The following LRRC27 variants were observed in gnomAD, a reference collection of about 807,000 sequenced individuals.
The protein encoded by LRRC27 is leucine-rich repeat-containing protein 27.
A neutral mutation model predicts 55.0 loss-of-function variants in LRRC27; 57 were observed. That is an observed-to-expected ratio of 1.04 (90% CI 0.84 to 1.29). The LOEUF is 1.29. Ranked by LOEUF, LRRC27 falls within the 50% of genes most tolerant of loss-of-function variation. The probability of loss-of-function intolerance (pLI) is 0.00; values close to 1 mark genes in which losing one functional copy is unlikely to be tolerated. For missense variants in LRRC27, 721 were observed against 651.5 expected (o/e 1.11, Z -1.16); for synonymous variants, 278 against 251.9 (o/e 1.10, Z -0.98).
intron 3 of LRRC27, among the ~76,000 whole-genome samples, chr10:132,340,540 T>A (rs1398289198): frequency 6.6e-6 from 1 of 152,192 alleles, no homozygotes; most frequent in Non-Finnish European, 1.5e-5. Context: ...ATGCTGTTCT[T>A]GTTGGCTGGT....
In LRRC27 at chr10:132,380,100, C is replaced by T. The variant is rs1194006241; in HGVS notation, c.*4858C>T. Among the ~76,000 whole-genome samples, 1 of 152,050 alleles carries T rather than the reference C, an allele frequency of 6.6e-6. No individual in the cohort carries two copies. Among genetic ancestry groups the T allele is most frequent in the Non-Finnish European group, 1.5e-5 (1 of 68,022 alleles). The stretch of plus-strand genomic sequence containing the variant: ...TCACCTAAGGTCAGGAGTTCAAGAC[C>T]AGCCTGGCCAACATGGAGAAACCCC... On this transcript the variant is annotated 3_prime_UTR_variant, in exon 11 of 11. Transcript: ENST00000368614.
At chr10:132,364,730 A>G (rs61864520) in intron 9 of LRRC27, among the ~76,000 whole-genome samples, 19,629 of 39,898 alleles carry the variant, frequency 0.49, 3,763 homozygotes, top group African/African-American at 0.58. Context: ...CCGCGTCCAC[A>G]CTTACATCTA....
intron 2 of LRRC27, among the ~76,000 whole-genome samples, chr10:132,334,868 T>C (rs753418121): frequency 2.6e-5 from 4 of 152,220 alleles, no homozygotes; most frequent in African/African-American, 4.8e-5. Flanking sequence ...TGAAGAAACT[T>C]GATAACTGTT....
chr10:132,353,415 G>T (rs1273888060), intron 7 of LRRC27: 1 of 1,025,260 alleles, frequency 9.8e-7, no homozygotes, highest in East Asian at 8.8e-5. Flanking sequence ...TGTGTGTGCT[G>T]TTTTCTCTCG....
chr10:132,374,686 A>G lies in LRRC27; in HGVS notation c.1417-380A>G. ...TGGCTGTGGTGATGCTTGCCAAGAC[A>G]CTGCCCGGGGTGTGGCATCAGCCTT... On this transcript the variant is annotated intron_variant, in intron 10 of 10. Coordinates refer to ENST00000368614, the MANE Select transcript of LRRC27 (RefSeq NM_030626.3). This position sits in a 1 kb window ranked among gnomAD's most constrained non-coding sequence, Gnocchi z 4.4. 6.6e-6 allele frequency among the ~76,000 whole-genome samples: 1 copy of G among 152,274 alleles called. No homozygotes were observed.
chr10:132,349,157 G>A (rs534932534), intron 6 of LRRC27: 1 of 849,640 alleles, frequency 1.2e-6, no homozygotes, highest in South Asian at 1.5e-5. Flanking sequence ...AACAATTGGT[G>A]AATCTAGATC....
intron 7 of LRRC27, among the ~76,000 whole-genome samples, chr10:132,354,047 C>T (rs974044321): frequency 6.6e-6 from 1 of 152,214 alleles, no homozygotes; most frequent in Non-Finnish European, 1.5e-5. Context: ...AGTCCCACTC[C>T]CTCTTGGCCA....
intron 6 of LRRC27, chr10:132,349,095 GGTGTGTGTGCCT>G: frequency 7.2e-7 from 1 of 1,386,902 alleles, no homozygotes. Flanking sequence ...GCCTGCATGT[GGTGTGTGTGCCT>G]GTGTGTGTGT....
chr10:132,378,653 T>A lies in LRRC27; in HGVS notation c.*3411T>A, dbSNP rs2069370253. 1 of 152,284 alleles carries A rather than the reference T, an allele frequency of 6.6e-6. No individual in the cohort carries two copies. The highest frequency in any genetic ancestry group is 2.1e-4 in the South Asian group (1 of 4,838). The allele number at this position is 152,284 out of a possible 1,614,324, so 9.4% of individuals were successfully genotyped here. A position where few individuals can be genotyped will look rare whatever the true frequency, so the allele number is the denominator to read the frequency against. ...TGGTTTTAGATTTACGAATCCTGTCTTCTGTTGTGTCCCACAGAAAAACCC... is the reference window on the plus strand; with the variant it reads ...TGGTTTTAGATTTACGAATCCTGTCATCTGTTGTGTCCCACAGAAAAACCC... On this transcript the variant is annotated 3_prime_UTR_variant, in exon 11 of 11. Transcript: ENST00000368614.
At chr10:132,350,210 G>A (rs2067938832) in intron 6 of LRRC27, among the ~76,000 whole-genome samples, 1 of 152,288 alleles carries the variant, frequency 6.6e-6, no homozygotes, top group East Asian at 1.9e-4. Context: ...GGTAAATAAT[G>A]GTCTGGTCCT....
intron 3 of LRRC27, 150 bp from the exon 4 acceptor site, chr10:132,342,063 C>A (rs955198610): frequency 3.4e-6 from 2 of 590,584 alleles, no homozygotes; most frequent in African/African-American, 1.9e-5. Context: ...TGACAGCAGA[C>A]CATTTGTGTG....
chr10:132,337,010 T>C (rs1479163040), intron 2 of LRRC27: 1 of 1,027,512 alleles, frequency 9.7e-7, no homozygotes, highest in African/African-American at 1.7e-5. Context: ...ACCGAGTTGA[T>C]GTGTCAATCT....
rs182793646 is a variant in LRRC27 at position 132,373,319 on chromosome 10, G to A, written c.1417-1747G>A. On this transcript the variant is annotated intron_variant, in intron 10 of 10. Transcript: ENST00000368614. ...TCCGGCAGGTTCCAGCAGGAGAGACGAGAGCAGACGGAGGGAGAAGGTGCA... is the reference window on the plus strand; with the variant it reads ...TCCGGCAGGTTCCAGCAGGAGAGACAAGAGCAGACGGAGGGAGAAGGTGCA... Among the ~76,000 whole-genome samples the A allele has an allele frequency of 1.1e-4, 16 of 152,294 alleles. No individual in the cohort carries two copies. The East Asian group carries it at 2.5e-3, about 24-fold the overall frequency.
At chr10:132,333,862 G>A (rs927508305) in intron 2 of LRRC27, 128 bp downstream of exon 2, 3 of 733,408 alleles carry the variant, frequency 4.1e-6, no homozygotes, top group South Asian at 2.0e-5. Context: ...ATTAAATAGA[G>A]GAAAGGTTAA....
rs1420618280 is a variant in LRRC27, at chr10:132,348,888, C to T, written c.926+532C>T. Reference sequence around the variant, plus strand: ...AAAAGGAAGGCAGTCATTGTGTGGCCCACTTCCAAAGCTTGCCTTTGCCTT... The same window carrying T: ...AAAAGGAAGGCAGTCATTGTGTGGCTCACTTCCAAAGCTTGCCTTTGCCTT... On this transcript the variant is annotated intron_variant, in intron 6 of 10. Transcript: ENST00000368614. The surrounding 1 kb of genome is among the most constrained non-coding windows in gnomAD (Gnocchi z 4.2). 9.7e-7 allele frequency: 1 copy of T among 1,036,224 alleles called. No individual in the cohort carries two copies. The highest frequency in any genetic ancestry group is 1.5e-6 in the Non-Finnish European group (1 of 685,758). 64.2% of individuals were successfully genotyped at this position (1,036,224 alleles called of 1,614,324 possible).
chr10:132,361,312 C>T (rs970317038), intron 8 of LRRC27, 145 bp from the exon 9 acceptor site: 9 of 725,536 alleles, frequency 1.2e-5, no homozygotes, highest in Middle Eastern at 5.5e-4. Context: ...GGGATGACTG[C>T]GTTGCACAGG....
At position 132,355,774 on chromosome 10, in the gene LRRC27, C is replaced by T. The variant is rs1201256161; in HGVS notation, c.1074-16C>T. 8.5e-6 allele frequency: 13 copies of T among 1,535,412 alleles called. No individual in the cohort carries two copies. Among genetic ancestry groups the T allele is most frequent in the Non-Finnish European group, 1.1e-5 (13 of 1,132,490 alleles). Reference sequence around the variant, plus strand: ...AGCTGCCTGTAACTTATGACATTAACCTTCCCTTTCTCCAGAGAGAAAAGG... The same window carrying T: ...AGCTGCCTGTAACTTATGACATTAATCTTCCCTTTCTCCAGAGAGAAAAGG... On this transcript the variant is annotated splice_polypyrimidine_tract_variant and intron_variant, in intron 7 of 10. Coordinates refer to ENST00000368614, the MANE Select transcript of LRRC27 (RefSeq NM_030626.3).
In LRRC27 at chr10:132,374,917, A is replaced by G. The variant is rs2069309613; in HGVS notation, c.1417-149A>G. On this transcript the variant is annotated intron_variant, in intron 10 of 10. Coordinates refer to ENST00000368614, the MANE Select transcript of LRRC27 (RefSeq NM_030626.3). The surrounding 1 kb of genome is among the most constrained non-coding windows in gnomAD (Gnocchi z 4.4). The stretch of plus-strand genomic sequence containing the variant: ...CCATTGCAGGGGGGACCGCGCCGTG[A>G]TGCGGCTTGCAGGGGCCCCGGGGCA... 6 of 785,554 alleles carry G rather than the reference A, an allele frequency of 7.6e-6. No individual in the cohort carries two copies. In the Admixed American group the frequency reaches 8.7e-5, roughly 11 times the overall value. The allele number at this position is 785,554 out of a possible 1,614,324, so 48.7% of individuals were successfully genotyped here.
chr10:132,331,827 G>A (rs1486398528), upstream of LRRC27: 10 of 1,541,002 alleles, frequency 6.5e-6, no homozygotes, highest in Admixed American at 7.6e-5. Flanking sequence ...CCCCTTCAAG[G>A]CCGCGGGCGC....
Sources: gnomAD v4.1 joint callset for allele counts (sites outside exome capture counted in the v4.1 genomes callset) on GRCh38, gnomAD v4.1.1 for gene constraint, Gnocchi (gnomAD v3.1) non-coding constraint, MANE v1.5 for transcripts, NCBI Gene and HGNC (gene_info 2026-07-23, HGNC 2026-07-21) for gene names.